PTGER4: variants seen among roughly 807,000 people sequenced by gnomAD.
The protein encoded by PTGER4 is prostaglandin E2 receptor EP4 subtype.
In PTGER4, 11 loss-of-function variants were observed where a neutral mutation model predicts 33.2. That is an observed-to-expected ratio of 0.33 (90% CI 0.21 to 0.55). PTGER4 has a LOEUF of 0.55. Ranked by LOEUF, PTGER4 falls within the 20% of genes least tolerant of loss-of-function variation. The pLI, the probability that PTGER4 is intolerant of heterozygous loss-of-function variation, is 0.92. For synonymous variants in PTGER4, 275 were observed against 281.5 expected (o/e 0.98, Z 0.23); for missense variants, 481 against 650.2 (o/e 0.74, Z 2.83).
intron 2 of PTGER4, among the ~76,000 whole-genome samples, chr5:40,690,826 C>A (rs1741449420): frequency 6.6e-6 from 1 of 152,116 alleles, no homozygotes; most frequent in African/African-American, 2.4e-5. Context: ...ATTACAAAAA[C>A]TTAAAAGCAC....
In PTGER4 at chr5:40,693,292, C is replaced by G; in HGVS notation, c.*914C>G. The G allele has an allele frequency of 1.0e-6, 1 of 970,774 alleles. No individual in the cohort carries two copies. Among genetic ancestry groups the G allele is most frequent in the Non-Finnish European group, 1.2e-6 (1 of 816,618 alleles). The allele number at this position is 970,774 out of a possible 1,614,324, so 60.1% of individuals were successfully genotyped here. A position where few individuals can be genotyped will look rare whatever the true frequency, so the allele number is the denominator to read the frequency against. On this transcript the variant is annotated 3_prime_UTR_variant, in exon 3 of 3. Transcript: ENST00000302472. ...TTTTTTGAAGTCTTTAATAAATAACCCATAATTGAAGTGTATAATATAAAA... is the reference window on the plus strand; with the variant it reads ...TTTTTTGAAGTCTTTAATAAATAACGCATAATTGAAGTGTATAATATAAAA...
chr5:40,684,113 G>GC (rs1301942800), intron 2 of PTGER4, among the ~76,000 whole-genome samples: 46 of 72,610 alleles, frequency 6.3e-4, no homozygotes, highest in Admixed American at 8.0e-4. Flanking sequence ...GGTTCATTAT[G>GC]CCACCCACCC....
At chr5:40,722,557 G>A in the PTGER4 span, among the ~76,000 whole-genome samples, 1 of 142,786 alleles carries the variant, frequency 7.0e-6, no homozygotes, top group East Asian at 2.1e-4. Context: ...GCCTGGCCGC[G>A]ACCCCGTCTG....
At chr5:40,714,382 T>C in the PTGER4 span, 6 of 152,180 alleles carry the variant, frequency 3.9e-5, no homozygotes, top group Non-Finnish European at 7.4e-5. Flanking sequence ...CAAGGTACTT[T>C]AAATATATTA....
the PTGER4 span, among the ~76,000 whole-genome samples, chr5:40,738,748 T>C: frequency 1.3e-5 from 2 of 152,142 alleles, no homozygotes; most frequent in Non-Finnish European, 2.9e-5. Flanking sequence ...TTCTAGTAAC[T>C]AGGTAATAGT....
the PTGER4 span, among the ~76,000 whole-genome samples, chr5:40,733,278 G>A: frequency 6.6e-6 from 1 of 152,038 alleles, no homozygotes; most frequent in African/African-American, 2.4e-5. Flanking sequence ...GAAGGTCTTT[G>A]GTCTCTAGAG....
the PTGER4 span, among the ~76,000 whole-genome samples, chr5:40,724,450 C>T: frequency 6.6e-5 from 10 of 151,894 alleles, no homozygotes; most frequent in African/African-American, 1.2e-4. Flanking sequence ...CTGGCCAACA[C>T]GGTGAAACCC....
At chr5:40,710,230 G>C in the PTGER4 span, among the ~76,000 whole-genome samples, 1 of 151,890 alleles carries the variant, frequency 6.6e-6, no homozygotes, top group African/African-American at 2.4e-5. Flanking sequence ...AAATTTACAA[G>C]AAAAAAACAA....
chr5:40,737,745 TACCCCA>T, the PTGER4 span, among the ~76,000 whole-genome samples: 1 of 152,218 alleles, frequency 6.6e-6, no homozygotes, highest in African/African-American at 2.4e-5. Flanking sequence ...TCGGGAAATC[TACCCCA>T]ACTGCTGACC....
chr5:40,721,893 C>T, the PTGER4 span, among the ~76,000 whole-genome samples: 1 of 152,110 alleles, frequency 6.6e-6, no homozygotes, highest in East Asian at 1.9e-4. Flanking sequence ...ATTTGCAAAT[C>T]ATATCTAAGG....
At chr5:40,697,511 G>A (rs766370938), downstream of PTGER4, among the ~76,000 whole-genome samples, 6 of 151,134 alleles carry the variant, frequency 4.0e-5, no homozygotes, top group South Asian at 8.3e-4. Flanking sequence ...CTTGAACCCC[G>A]GAGGCGGAGG....
rs917110698 is a variant in PTGER4 at position 40,679,965 on chromosome 5, G to C, written c.-557G>C. The C allele has an allele frequency of 6.5e-6, 1 of 152,766 alleles. No individual in the cohort carries two copies. The highest frequency in any genetic ancestry group is 2.4e-5 in the African/African-American group (1 of 41,474). 9.5% of individuals were successfully genotyped at this position (152,766 alleles called of 1,614,324 possible). A position where few individuals can be genotyped will look rare whatever the true frequency, so the allele number is the denominator to read the frequency against. ...AGCTCCAAGCCCGGCAGCCCGAGAG[G>C]AAGATGAACAGCCCCAGGCCAGAGC... On this transcript the variant is annotated 5_prime_UTR_variant, in exon 1 of 3. Transcript: ENST00000302472.
At chr5:40,698,511 T>G (rs1741664380), downstream of PTGER4, among the ~76,000 whole-genome samples, 1 of 152,134 alleles carries the variant, frequency 6.6e-6, no homozygotes, top group African/African-American at 2.4e-5. Context: ...TTGCAAAATA[T>G]GTAAAGTATG....
At chr5:40,733,756 C>T in the PTGER4 span, among the ~76,000 whole-genome samples, 1 of 152,130 alleles carries the variant, frequency 6.6e-6, no homozygotes, top group Non-Finnish European at 1.5e-5. Context: ...TGGCTTATCC[C>T]GTCCCCAACC....
At chr5:40,724,075 C>G in the PTGER4 span, among the ~76,000 whole-genome samples, 1 of 152,112 alleles carries the variant, frequency 6.6e-6, no homozygotes, top group South Asian at 2.1e-4. Context: ...ATTAGCACTC[C>G]CAGGTTCATG....
the PTGER4 span, among the ~76,000 whole-genome samples, chr5:40,700,812 C>A: frequency 6.6e-6 from 1 of 152,152 alleles, no homozygotes; most frequent in Non-Finnish European, 1.5e-5. Context: ...AACATGGCTG[C>A]AACTATGAGG....
At chr5:40,716,543 G>T in the PTGER4 span, 34 of 1,291,012 alleles carry the variant, frequency 2.6e-5, no homozygotes, top group East Asian at 7.1e-4. Flanking sequence ...TTAAAAATTA[G>T]TATGTTTAAT....
chr5:40,729,093 A>C, the PTGER4 span, among the ~76,000 whole-genome samples: 1 of 152,160 alleles, frequency 6.6e-6, no homozygotes, highest in Non-Finnish European at 1.5e-5. Flanking sequence ...ACTTTAAAAG[A>C]TTTGTGATAC....
chr5:40,714,216 T>C, the PTGER4 span, among the ~76,000 whole-genome samples: 1 of 152,192 alleles, frequency 6.6e-6, no homozygotes, highest in African/African-American at 2.4e-5. Flanking sequence ...CAGAGACTTC[T>C]TACTTTCAGA....
Sources: gnomAD v4.1 joint callset for allele counts (sites outside exome capture counted in the v4.1 genomes callset) on GRCh38, gnomAD v4.1.1 for gene constraint, MANE v1.5 for transcripts, NCBI Gene and HGNC (gene_info 2026-07-23, HGNC 2026-07-21) for gene names.